Variants in GNAS-AS1 observed in about 807,000 individuals in gnomAD.
GNAS-AS1 encodes GNAS antisense RNA 1 (non-protein coding).
At position 58,841,334 on chromosome 20, in the gene GNAS-AS1, G is replaced by A; in HGVS notation, n.819+603C>T. 2 of 1,059,894 alleles carry A rather than the reference G, an allele frequency of 1.9e-6. No homozygotes were observed. Among genetic ancestry groups the A allele is most frequent in the Non-Finnish European group, 2.3e-6 (2 of 876,042 alleles). 65.7% of individuals were successfully genotyped at this position (1,059,894 alleles called of 1,614,324 possible). ...CGGAGGTGCGCGCGCCAACTTTCAC[G>A]ATGTGAGAGCAGCCGCGCTGTAGAG... On this transcript the variant is annotated intron_variant and non_coding_transcript_variant, in intron 4 of 4. Coordinates refer to ENST00000424094, the Ensembl canonical transcript of GNAS-AS1. This position sits in a 1 kb window ranked among gnomAD's most constrained non-coding sequence, Gnocchi z 5.0.
intron 2 of GNAS-AS1, among the ~76,000 whole-genome samples, chr20:58,842,877 T>C (rs1354186340): frequency 6.6e-6 from 1 of 152,168 alleles, no homozygotes; most frequent in Non-Finnish European, 1.5e-5. Flanking sequence ...GGGAGACCCG[T>C]TTTCCCACAG....
In GNAS-AS1 at chr20:58,840,099, C is replaced by CT; in HGVS notation, n.819+1837dup. On this transcript the variant is annotated intron_variant and non_coding_transcript_variant, in intron 4 of 4. Coordinates refer to ENST00000424094, the Ensembl canonical transcript of GNAS-AS1. The surrounding 1 kb of genome is among the most constrained non-coding windows in gnomAD (Gnocchi z 6.0). The stretch of plus-strand genomic sequence containing the variant: ...GGCAGGCCGGCTTCTCGGTGTGTGC[C>CT]TAAGAGGATGGATCGGAGGTCCCGG... The CT allele has an allele frequency of 1.2e-6, 2 of 1,610,374 alleles. No homozygotes were observed. Among genetic ancestry groups the CT allele is most frequent in the South Asian group, 2.2e-5 (2 of 91,070 alleles).
At position 58,822,480 on chromosome 20, in the gene GNAS-AS1, T is replaced by C. The variant is rs545535902; in HGVS notation, n.820-3225A>G. Among the ~76,000 whole-genome samples the C allele has an allele frequency of 7.2e-5, 11 of 152,210 alleles. No individual in the cohort carries two copies. In the South Asian group the frequency reaches 2.3e-3, roughly 32 times the overall value. ...AGAGGCTCCACTAGACCAGGAGAAGTCAAATGGCCAAAGGCTTCTGTAAAA... is the reference window on the plus strand; with the variant it reads ...AGAGGCTCCACTAGACCAGGAGAAGCCAAATGGCCAAAGGCTTCTGTAAAA... On this transcript the variant is annotated intron_variant and non_coding_transcript_variant, in intron 4 of 4. Coordinates refer to ENST00000424094, the Ensembl canonical transcript of GNAS-AS1.
Position 58,841,912 on chromosome 20 carries a change from C to A in GNAS-AS1, n.819+25G>T. 1 of 1,222,606 alleles carries A rather than the reference C, an allele frequency of 8.2e-7. No individual in the cohort carries two copies. Among genetic ancestry groups the A allele is most frequent in the South Asian group, 4.2e-5 (1 of 24,026 alleles). 75.7% of individuals were successfully genotyped at this position (1,222,606 alleles called of 1,614,324 possible). On this transcript the variant is annotated intron_variant and non_coding_transcript_variant, in intron 4 of 4. Transcript: ENST00000424094. This position sits in a 1 kb window ranked among gnomAD's most constrained non-coding sequence, Gnocchi z 5.0. Reference sequence around the variant, plus strand: ...CAAGGGACAGGCTGGAGACGGGGGTCGCGTCTAACATCAGGATAACTTACA... The same window carrying A: ...CAAGGGACAGGCTGGAGACGGGGGTAGCGTCTAACATCAGGATAACTTACA...
intron 4 of GNAS-AS1, among the ~76,000 whole-genome samples, chr20:58,833,473 A>G (rs558558740): frequency 1.3e-5 from 2 of 152,264 alleles, no homozygotes; most frequent in African/African-American, 4.8e-5. Context: ...ATCATGCACA[A>G]TGTATGTCAC....
intron 4 of GNAS-AS1, among the ~76,000 whole-genome samples, chr20:58,831,382 T>TA (rs1297882137): frequency 6.6e-6 from 1 of 152,066 alleles, no homozygotes; most frequent in African/African-American, 2.4e-5. Context: ...AAGCAAAATT[T>TA]AAAAAACAAC....
chr20:58,842,336 A>G (rs1392623813), intron 3 of GNAS-AS1: 4 of 397,834 alleles, frequency 1.0e-5, no homozygotes, highest in Non-Finnish European at 1.8e-5. Context: ...ACGGATGACA[A>G]CGATTTGGAG....
At chr20:58,832,029 C>T (rs978436261) in intron 4 of GNAS-AS1, among the ~76,000 whole-genome samples, 3 of 152,152 alleles carry the variant, frequency 2.0e-5, no homozygotes, top group African/African-American at 4.8e-5. Context: ...ACCAAATCCT[C>T]CAGAAACCTT....
At chr20:58,844,162 GA>G (rs1371247023) in intron 2 of GNAS-AS1, 1 of 152,180 alleles carries the variant, frequency 6.6e-6, no homozygotes, top group Non-Finnish European at 1.5e-5. Context: ...CAAGAAGAGG[GA>G]AGCTTTTGAG....
At position 58,841,525 on chromosome 20, in the gene GNAS-AS1, T is replaced by A. The variant is rs1017317482; in HGVS notation, n.819+412A>T. ...GCCGCGGGACCTCCGCGCCAGTGCCTCCAGCTGCCGTGCGCCAGCCTTGGC... is the reference window on the plus strand; with the variant it reads ...GCCGCGGGACCTCCGCGCCAGTGCCACCAGCTGCCGTGCGCCAGCCTTGGC... On this transcript the variant is annotated intron_variant and non_coding_transcript_variant, in intron 4 of 4. Coordinates refer to ENST00000424094, the Ensembl canonical transcript of GNAS-AS1. This position sits in a 1 kb window ranked among gnomAD's most constrained non-coding sequence, Gnocchi z 5.0. 2.4e-5 allele frequency: 24 copies of A among 993,490 alleles called. No homozygotes were observed. Among genetic ancestry groups the A allele is most frequent in the Non-Finnish European group, 2.8e-5 (23 of 835,844 alleles). The allele number at this position is 993,490 out of a possible 1,614,324, so 61.5% of individuals were successfully genotyped here.
intron 4 of GNAS-AS1, among the ~76,000 whole-genome samples, chr20:58,828,794 A>G (rs917034060): frequency 2.6e-5 from 4 of 152,216 alleles, no homozygotes; most frequent in Non-Finnish European, 4.4e-5. Context: ...TGTTCTCAAC[A>G]GACCAAAGGC....
At chr20:58,819,613 G>A (rs1210242020) in intron 4 of GNAS-AS1, among the ~76,000 whole-genome samples, 1 of 152,108 alleles carries the variant, frequency 6.6e-6, no homozygotes, top group Non-Finnish European at 1.5e-5. Flanking sequence ...AAATTCTTCA[G>A]GGCCCTCAAG....
At chr20:58,838,971 C>CT (rs2085638898) in intron 4 of GNAS-AS1, 1 of 397,638 alleles carries the variant, frequency 2.5e-6, no homozygotes, top group African/African-American at 2.1e-5. Context: ...TAAGGGGCCT[C>CT]CAGTGAGGAT....
At chr20:58,837,591 C>T (rs767361510) in intron 4 of GNAS-AS1, among the ~76,000 whole-genome samples, 3 of 152,200 alleles carry the variant, frequency 2.0e-5, no homozygotes, top group South Asian at 2.1e-4. Context: ...TACAAGCGTG[C>T]GTCAACACGC....
At chr20:58,850,845 C>CA in exon 1 of GNAS-AS1, 1 of 398,860 alleles carries the variant, frequency 2.5e-6, no homozygotes, top group African/African-American at 2.0e-5. Flanking sequence ...ACCCGCCCCC[C>CA]ACCGGCTTCC....
At chr20:58,846,000 T>C (rs1342568367) in intron 2 of GNAS-AS1, among the ~76,000 whole-genome samples, 2 of 152,110 alleles carry the variant, frequency 1.3e-5, no homozygotes, top group Non-Finnish European at 1.5e-5. Context: ...CACATGGCTA[T>C]GAGAAAGGCC....
At chr20:58,839,231 A>G (rs1287377355) in intron 4 of GNAS-AS1, 1 of 398,562 alleles carries the variant, frequency 2.5e-6, no homozygotes. Context: ...TATTGTTTGG[A>G]AACTTTTCTA....
intron 4 of GNAS-AS1, among the ~76,000 whole-genome samples, chr20:58,837,265 T>A (rs6128443): frequency 6.6e-6 from 1 of 152,168 alleles, no homozygotes; most frequent in African/African-American, 2.4e-5. Context: ...ATAAAGTGGG[T>A]GGGTCAGTGT....
intron 4 of GNAS-AS1, among the ~76,000 whole-genome samples, chr20:58,821,475 C>T (rs1272617361): frequency 6.6e-6 from 1 of 152,232 alleles, no homozygotes; most frequent in East Asian, 1.9e-4. Context: ...AGCTATCTGA[C>T]CTGTGCGTAC....
Sources: allele counts gnomAD v4.1 joint callset (sites outside exome capture counted in the v4.1 genomes callset), GRCh38; gene constraint gnomAD v4.1.1; non-coding constraint Gnocchi (gnomAD v3.1); transcripts MANE v1.5; gene names NCBI Gene and HGNC (gene_info 2026-07-23, HGNC 2026-07-21).